CDH12: variants seen among roughly 807,000 people sequenced by gnomAD.
CDH12 encodes cadherin 12, also known as cadherin-12.
In CDH12, 41 loss-of-function variants were observed where a neutral mutation model predicts 74.1. That is an observed-to-expected ratio of 0.55 (90% CI 0.43 to 0.72). The LOEUF is 0.72. Ranked by LOEUF, CDH12 falls within the 30% of genes least tolerant of loss-of-function variation. The pLI, the probability that CDH12 is intolerant of heterozygous loss-of-function variation, is 0.00. For missense variants in CDH12, 945 were observed against 977.2 expected, an observed-to-expected ratio of 0.97 and a Z score of 0.44; for synonymous variants, 399 against 355.0, an observed-to-expected ratio of 1.12 and a Z score of -1.39.
intron 3 of CDH12, among the ~76,000 whole-genome samples, chr5:22,268,118 G>A (rs989395791): frequency 6.6e-6 from 1 of 151,940 alleles, no homozygotes; most frequent in African/African-American, 2.4e-5. Flanking sequence ...TATCAGGGGA[G>A]GTGAAGGAAC....
chr5:22,198,550 G>T (rs1483963478), intron 4 of CDH12, among the ~76,000 whole-genome samples: 1 of 151,992 alleles, frequency 6.6e-6, no homozygotes, highest in Admixed American at 6.6e-5. Context: ...TGTTAAATTT[G>T]CTCTATTTGT....
chr5:21,983,598 A>G (rs1757400970), intron 5 of CDH12, among the ~76,000 whole-genome samples: 2 of 152,128 alleles, frequency 1.3e-5, no homozygotes, highest in Admixed American at 6.5e-5. Flanking sequence ...TTCGAAAACT[A>G]TTTTCCTTCA....
rs193118431 is a variant in CDH12, at chr5:22,488,238, C to T, written c.-428+17032G>A. Among the ~76,000 whole-genome samples the T allele has an allele frequency of 7.9e-5, 12 of 152,226 alleles. No individual in the cohort carries two copies. The South Asian group carries it at 8.3e-4, about 11-fold the overall frequency. ...CTTTTCCTTCACTACTTTTAAATAA[C>T]GCAGCAAAAATGACTTAATCATTTA... On this transcript the variant is annotated intron_variant, in intron 2 of 14. Transcript: ENST00000382254.
intron 3 of CDH12, among the ~76,000 whole-genome samples, chr5:22,355,274 T>C (rs958833011): frequency 6.6e-6 from 1 of 152,052 alleles, no homozygotes; most frequent in Non-Finnish European, 1.5e-5. Flanking sequence ...TGTCATTATA[T>C]AGTAATAATG....
intron 6 of CDH12, among the ~76,000 whole-genome samples, chr5:21,969,592 C>A (rs1312488937): frequency 6.6e-6 from 1 of 151,806 alleles, no homozygotes. Flanking sequence ...TCTACCACCC[C>A]CTAACTAAGC....
chr5:22,713,875 GCTATT>G (rs1437922372), intron 1 of CDH12, among the ~76,000 whole-genome samples: 2 of 152,070 alleles, frequency 1.3e-5, no homozygotes, highest in Non-Finnish European at 2.9e-5. Context: ...AAAATCTAAT[GCTATT>G]ACCAATGTAT....
intron 1 of CDH12, among the ~76,000 whole-genome samples, chr5:22,651,627 A>G (rs563726403): frequency 1.3e-5 from 2 of 152,148 alleles, no homozygotes; most frequent in East Asian, 3.9e-4. Context: ...TATGAGGATT[A>G]CAATTCAAGA....
intron 3 of CDH12, among the ~76,000 whole-genome samples, chr5:22,332,292 C>T (rs1443996134): frequency 1.3e-5 from 2 of 152,084 alleles, no homozygotes; most frequent in Non-Finnish European, 2.9e-5. Context: ...AAATGGAGCT[C>T]CAGTACACCT....
At chr5:22,842,781 A>C (rs1209732270) in intron 1 of CDH12, among the ~76,000 whole-genome samples, 1 of 152,154 alleles carries the variant, frequency 6.6e-6, no homozygotes, top group Non-Finnish European at 1.5e-5. Flanking sequence ...AGGTTTTAAT[A>C]TTTTTGCGAT....
chr5:22,654,350 T>C (rs1189053533), intron 1 of CDH12, among the ~76,000 whole-genome samples: 1 of 151,454 alleles, frequency 6.6e-6, no homozygotes, highest in Non-Finnish European at 1.5e-5. Context: ...AGTGCAATGG[T>C]GCAATCTCAG....
rs565630675 is a variant in CDH12 at position 21,782,207 on chromosome 5, T to G, written c.1393+1151A>C. On this transcript the variant is annotated intron_variant, in intron 11 of 14. Transcript: ENST00000382254. ...GAGCACCGCAACGTGGCCTCTCTAG[T>G]ATGGCAGCCTCTGGGTAGTCAGACT... Among the ~76,000 whole-genome samples the G allele has an allele frequency of 1.9e-4, 29 of 152,278 alleles. 1 individual carries two copies. In the South Asian group the frequency reaches 4.6e-3, roughly 24 times the overall value.
chr5:22,345,162 C>G (rs73055960), intron 3 of CDH12, among the ~76,000 whole-genome samples: 1,680 of 152,260 alleles, frequency 0.011, 24 homozygotes, highest in African/African-American at 0.039. Flanking sequence ...CTGACAATTA[C>G]TCTTTTATTA....
At chr5:22,680,456 A>G (rs1239118102) in intron 1 of CDH12, among the ~76,000 whole-genome samples, 1 of 152,056 alleles carries the variant, frequency 6.6e-6, no homozygotes, top group Non-Finnish European at 1.5e-5. Flanking sequence ...ACTAACAGGT[A>G]ATATCCAACT....
chr5:22,629,210 A>G lies in CDH12; in HGVS notation c.-522-123846T>C, dbSNP rs1189355899. On this transcript the variant is annotated intron_variant, in intron 1 of 14. Coordinates refer to ENST00000382254, the MANE Select transcript of CDH12 (RefSeq NM_004061.5). Reference sequence around the variant, plus strand: ...TATCATTTCTACTAAAACTATTTCAAAAGACTGAATCAGAGGATCTCCTAC... The same window carrying G: ...TATCATTTCTACTAAAACTATTTCAGAAGACTGAATCAGAGGATCTCCTAC... Among the ~76,000 whole-genome samples, 5 of 152,224 alleles carry G rather than the reference A, an allele frequency of 3.3e-5. No individual in the cohort carries two copies. The East Asian group carries it at 9.7e-4, about 29-fold the overall frequency.
chr5:22,204,140 G>A (rs1290594965), intron 4 of CDH12, among the ~76,000 whole-genome samples: 6 of 148,790 alleles, frequency 4.0e-5, no homozygotes, highest in Middle Eastern at 3.2e-3. Flanking sequence ...TAGAATTCAC[G>A]TGTTTTTGTT....
intron 3 of CDH12, among the ~76,000 whole-genome samples, chr5:22,353,991 C>A (rs1273699366): frequency 6.6e-6 from 1 of 152,138 alleles, no homozygotes; most frequent in African/African-American, 2.4e-5. Context: ...GACCAACCAC[C>A]TATACAAAGG....
intron 1 of CDH12, among the ~76,000 whole-genome samples, chr5:22,511,635 T>A (rs1736613536): frequency 6.6e-6 from 1 of 152,154 alleles, no homozygotes; most frequent in Admixed American, 6.5e-5. Context: ...ATATCGTGGG[T>A]TGGTAATCCA....
chr5:22,142,335 C>G, intron 4 of CDH12: 1 of 384,656 alleles, frequency 2.6e-6, no homozygotes, highest in South Asian at 2.4e-5. Flanking sequence ...GCCTCATTGT[C>G]TAGGGAGGAA....
intron 3 of CDH12, among the ~76,000 whole-genome samples, chr5:22,401,806 G>A (rs915830688): frequency 6.6e-6 from 1 of 152,122 alleles, no homozygotes; most frequent in Non-Finnish European, 1.5e-5. Flanking sequence ...GAGTATCTTT[G>A]TAAGAGACAG....
Sources: gnomAD v4.1 joint callset for allele counts (sites outside exome capture counted in the v4.1 genomes callset) on GRCh38, gnomAD v4.1.1 for gene constraint, MANE v1.5 for transcripts, NCBI Gene and HGNC (gene_info 2026-07-23, HGNC 2026-07-21) for gene names.